The following ARHGAP9 variants were observed in gnomAD, a reference collection of about 807,000 sequenced individuals.
ARHGAP9 encodes the protein Rho GTPase activating protein 9.
A neutral mutation model predicts 87.3 loss-of-function variants in ARHGAP9; 76 were observed. The observed-to-expected ratio is 0.87, with a 90% confidence interval of 0.72 to 1.05. ARHGAP9 has a LOEUF of 1.05. Ranked by LOEUF, ARHGAP9 falls within the 50% of genes least tolerant of loss-of-function variation. ARHGAP9 has a pLI of 0.00. For missense variants in ARHGAP9, 941 were observed against 960.5 expected, an observed-to-expected ratio of 0.98 and a Z score of 0.27; for synonymous variants, 382 against 394.9, an observed-to-expected ratio of 0.97 and a Z score of 0.39.
chr12:57,474,155 C>G lies in ARHGAP9; in HGVS notation c.1805G>C (p.Ser602Thr), dbSNP rs751161941. Residue 602 changes from serine (S) to threonine (T), a missense_variant, in exon 16 of 18, where the codon AGT (serine) becomes ACT (threonine). Transcript: ENST00000393791. ...PGQEGRLDLD[S>T]TEWDDIHVVT... Reference sequence around the variant, plus strand: ...CACATGAATGTCATCCCACTCAGTACTGTCCAAATCTAACCGACCTTCTGG... The same window carrying G: ...CACATGAATGTCATCCCACTCAGTAGTGTCCAAATCTAACCGACCTTCTGG... 1 of 1,613,228 alleles carries G rather than the reference C, an allele frequency of 6.2e-7. No homozygotes were observed. The highest frequency in any genetic ancestry group is 1.1e-5 in the South Asian group (1 of 91,054).
chr12:57,483,349 A>G (rs1355687775), upstream of ARHGAP9, among the ~76,000 whole-genome samples: 3 of 152,056 alleles, frequency 2.0e-5, no homozygotes, highest in Non-Finnish European at 4.4e-5. Flanking sequence ...CCCCACAACT[A>G]CCACTCCTTT....
Position 57,477,788 on chromosome 12 carries a change from C to T in ARHGAP9, c.535-108G>A, listed in dbSNP as rs1329413489. 3.9e-6 allele frequency: 6 copies of T among 1,539,412 alleles called. No individual in the cohort carries two copies. In the African/African-American group the frequency reaches 8.2e-5, roughly 21 times the overall value. On this transcript the variant is annotated intron_variant, in intron 3 of 17. Coordinates refer to ENST00000393791, the MANE Select transcript of ARHGAP9 (RefSeq NM_032496.4). Reference sequence around the variant, plus strand: ...CCCTCCCCCATTGTCTTCTCACCGCCAGCTCTGGGCTGAGGTGACCCAGGG... The same window carrying T: ...CCCTCCCCCATTGTCTTCTCACCGCTAGCTCTGGGCTGAGGTGACCCAGGG...
chr12:57,482,302 G>A (rs142584588), upstream of ARHGAP9, among the ~76,000 whole-genome samples: 1,054 of 151,742 alleles, frequency 6.9e-3, 16 homozygotes, highest in African/African-American at 0.025. Context: ...GTGCAGTGGC[G>A]TGATCTCGGC....
chr12:57,473,970 G>A, intron 16 of ARHGAP9, 72 bp downstream of exon 16: 1 of 1,514,884 alleles, frequency 6.6e-7, no homozygotes, highest in Non-Finnish European at 8.9e-7. Context: ...AGAGTATAAG[G>A]GAACCTCTAT....
At chr12:57,485,794 C>G (rs956734244) in intron 1 of ARHGAP9, among the ~76,000 whole-genome samples, 1 of 151,954 alleles carries the variant, frequency 6.6e-6, no homozygotes, top group Non-Finnish European at 1.5e-5. Flanking sequence ...GTGGGTGATT[C>G]TTCTATCTCA....
rs984525861 is a variant in ARHGAP9 at position 57,479,585 on chromosome 12, G to T, written c.-19+145C>A. The T allele has an allele frequency of 2.0e-6, 3 of 1,524,666 alleles. No homozygotes were observed. In the African/African-American group the frequency reaches 4.1e-5, roughly 21 times the overall value. The allele number at this position is 1,524,666 out of a possible 1,614,324, so 94.4% of individuals were successfully genotyped here. A position where few individuals can be genotyped will look rare whatever the true frequency, so the allele number is the denominator to read the frequency against. On this transcript the variant is annotated intron_variant, in intron 1 of 17. Coordinates refer to ENST00000393791, the MANE Select transcript of ARHGAP9 (RefSeq NM_032496.4). ...AACAGCCTGGTGAGGATCGGTGACA[G>T]GTTTTGGGGGCTGAGAACTCCTGGT...
Position 57,473,646 on chromosome 12 carries a change from G to T in ARHGAP9, c.1981C>A (p.Pro661Thr). 1 of 1,614,024 alleles carries T rather than the reference G, an allele frequency of 6.2e-7. No homozygotes were observed. Among genetic ancestry groups the T allele is most frequent in the South Asian group, 1.1e-5 (1 of 91,084 alleles). Residue 661 changes from proline (P) to threonine (T), a missense_variant, in exon 17 of 18, where the codon CCC becomes ACC. Physicochemically the swap from Pro to Thr is conservative, Grantham distance 38. Transcript: ENST00000393791. ...AGGTACCGTAGAGTGTCATGGTTGG[G>T]CTTTGGCATTGAGCCTATTAATTCT... ...IQELIGSMPKPNHDTLRYLLE... is the reference protein window; with the variant it reads ...IQELIGSMPKTNHDTLRYLLE...
intron 1 of ARHGAP9, chr12:57,487,484 C>T (rs192945628): frequency 6.6e-6 from 1 of 152,376 alleles, no homozygotes; most frequent in East Asian, 1.9e-4. Context: ...CACCGCCCTC[C>T]AGCAGCGTAA....
At chr12:57,481,592 A>G (rs564772744), upstream of ARHGAP9, among the ~76,000 whole-genome samples, 3 of 151,752 alleles carry the variant, frequency 2.0e-5, no homozygotes, top group South Asian at 6.3e-4. Flanking sequence ...AGTTGCCTAC[A>G]CTGTAGAGGG....
At chr12:57,479,579 G>C in intron 1 of ARHGAP9, 151 bp downstream of exon 1, 1 of 1,520,390 alleles carries the variant, frequency 6.6e-7, no homozygotes, top group Non-Finnish European at 8.8e-7. Context: ...GTGAGGATCG[G>C]TGACAGGTTT....
At position 57,474,627 on chromosome 12, in the gene ARHGAP9, T is replaced by G; in HGVS notation, c.1728A>C (p.Arg576Ser). 1 of 1,614,138 alleles carries G rather than the reference T, an allele frequency of 6.2e-7. No individual in the cohort carries two copies. The highest frequency in any genetic ancestry group is 8.5e-7 in the Non-Finnish European group (1 of 1,180,010). The change falls in exon 14 of 18, where the codon AGA becomes AGC. Residue 576 changes from arginine to serine, a missense_variant and splice_region_variant. Transcript: ENST00000393791. ...CCACTGGCCCACAAGCCTTCTCACC[T>G]CTGTCCACCAGAAAGCGAAGCTTCT... ...VVQKLRFLVD[R>S]ERAVTSDGRY...
chr12:57,475,095 A>G (rs1873087201), intron 12 of ARHGAP9, 122 bp from the exon 13 acceptor site: 1 of 1,175,646 alleles, frequency 8.5e-7, no homozygotes, highest in African/African-American at 1.5e-5. Flanking sequence ...GGCCTGGGCA[A>G]GGAAATACAC....
At position 57,488,014 on chromosome 12, in the gene ARHGAP9, G is replaced by A. The variant is rs535401779; in HGVS notation, c.-204+598C>T. Reference sequence around the variant, plus strand: ...GGCCTAATACGGAACTCCATTTCCCGGCGTGCCTCGCGGAGGCCGCTGAAC... The same window carrying A: ...GGCCTAATACGGAACTCCATTTCCCAGCGTGCCTCGCGGAGGCCGCTGAAC... On this transcript the variant is annotated intron_variant, in intron 1 of 20. Transcript: ENST00000393797. 2.6e-5 allele frequency: 32 copies of A among 1,241,274 alleles called. No homozygotes were observed. In the African/African-American group the frequency reaches 4.7e-4, roughly 18 times the overall value. 76.9% of individuals were successfully genotyped at this position (1,241,274 alleles called of 1,614,324 possible).
At chr12:57,479,691 A>G (rs1399118162) in intron 1 of ARHGAP9, 39 bp downstream of exon 1, 1 of 1,550,926 alleles carries the variant, frequency 6.4e-7, no homozygotes, top group East Asian at 2.4e-5. Context: ...GCAGGAAATT[A>G]GAGGAGATGA....
chr12:57,476,242 A>C, intron 8 of ARHGAP9, 76 bp from the exon 9 acceptor site: 1 of 1,488,880 alleles, frequency 6.7e-7, no homozygotes, highest in Non-Finnish European at 9.1e-7. Flanking sequence ...GGCTGTGAGG[A>C]GGTGGGAGGC....
rs575082970 is a variant in ARHGAP9 at position 57,474,618 on chromosome 12, C to T, written c.1729+8G>A. On this transcript the variant is annotated splice_region_variant and intron_variant, in intron 14 of 17. Transcript: ENST00000393791. The stretch of plus-strand genomic sequence containing the variant: ...TTAGTACAACCACTGGCCCACAAGC[C>T]TTCTCACCTCTGTCCACCAGAAAGC... The T allele has an allele frequency of 3.7e-6, 6 of 1,614,198 alleles. No individual in the cohort carries two copies. In the East Asian group the frequency reaches 1.1e-4, roughly 30 times the overall value.
rs753646948 is a variant in ARHGAP9, at chr12:57,479,728, A to T, written c.-19+2T>A. 6.6e-5 allele frequency: 102 copies of T among 1,550,604 alleles called. No individual in the cohort carries two copies. Among genetic ancestry groups the T allele is most frequent in the Admixed American group, 2.9e-4 (15 of 50,954 alleles). ...CTAGGCCAGTAGTTTTCCTCCAAGTACCTTGTGGGGCCCATCAGAAGATTC... is the reference window on the plus strand; with the variant it reads ...CTAGGCCAGTAGTTTTCCTCCAAGTTCCTTGTGGGGCCCATCAGAAGATTC... On this transcript the variant is annotated splice_donor_variant, in intron 1 of 17. Transcript: ENST00000393791. LOFTEE classifies it low-confidence loss of function (5UTR_SPLICE).
At chr12:57,481,142 A>G (rs535584698), upstream of ARHGAP9, among the ~76,000 whole-genome samples, 1 of 152,004 alleles carries the variant, frequency 6.6e-6, no homozygotes, top group South Asian at 2.1e-4. Flanking sequence ...TGTTTTTGTT[A>G]GCTTCGTCGC....
intron 8 of ARHGAP9, 86 bp downstream of exon 8, chr12:57,476,278 C>A: frequency 6.5e-7 from 1 of 1,536,444 alleles, no homozygotes; most frequent in Non-Finnish European, 8.8e-7. Context: ...CTTTCCTCTG[C>A]ACCGCCCTCC....
Sources: allele counts gnomAD v4.1 joint callset (sites outside exome capture counted in the v4.1 genomes callset), GRCh38; gene constraint gnomAD v4.1.1; transcripts MANE v1.5; gene names NCBI Gene and HGNC (gene_info 2026-07-23, HGNC 2026-07-21).